ARSF: variants seen among roughly 807,000 people sequenced by gnomAD.
ARSF encodes arylsulfatase F.
Under a neutral mutation model 35.4 loss-of-function variants are expected in ARSF, and 33 were observed. The observed-to-expected ratio is 0.93, with a 90% CI of 0.71 to 1.25. The LOEUF (loss-of-function observed/expected upper bound fraction) is 1.25, where lower values mean the gene tolerates loss of function less well. Ranked by LOEUF, ARSF falls within the 50% of genes most tolerant of loss-of-function variation. The pLI is 0.00. For synonymous variants in ARSF, 222 were observed against 193.1 expected, an observed-to-expected ratio of 1.15 and a Z score of -1.24; for missense variants, 501 against 480.2, an observed-to-expected ratio of 1.04 and a Z score of -0.40.
At chrX:3,111,504 T>C (rs936268188) in intron 10 of ARSF, among the ~76,000 whole-genome samples, 2 of 110,872 alleles carry the variant, frequency 1.8e-5, no homozygotes, top group African/African-American at 6.6e-5. Context: ...ATATCCTCCT[T>C]CTAGCTATTT....
rs888217067 is a variant in ARSF at position 3,095,055 on chromosome X, G to A, written c.967+5423G>A. Among the ~76,000 whole-genome samples, 3 of 108,454 alleles carry A rather than the reference G, an allele frequency of 2.8e-5. No homozygotes were observed. In the Admixed American group the frequency reaches 3.0e-4, roughly 11 times the overall value. The allele number at this position is 108,454 out of a possible 115,157, so 94.2% of individuals were successfully genotyped here. ...CCCTGCTACTTTGGAGGCTGATGTG[G>A]CAGGATCATTTAAGCCCAGGAGTTT... On this transcript the variant is annotated intron_variant, in intron 7 of 10. Transcript: ENST00000381127.
At chrX:3,088,363 C>T (rs775099896) in intron 6 of ARSF, among the ~76,000 whole-genome samples, 1 of 111,305 alleles carries the variant, frequency 9.0e-6, no homozygotes, top group African/African-American at 3.3e-5. Flanking sequence ...ATGGGAGGTC[C>T]GTGTTGGCTT....
intron 1 of ARSF, among the ~76,000 whole-genome samples, chrX:3,059,891 C>T (rs1341693886): frequency 2.7e-5 from 3 of 112,739 alleles, no homozygotes; most frequent in African/African-American, 9.7e-5. Context: ...GCAGAAACTT[C>T]TGCAGACTTA....
At chrX:3,050,797 G>A (rs371358545) in intron 1 of ARSF, among the ~76,000 whole-genome samples, 1 of 110,827 alleles carries the variant, frequency 9.0e-6, no homozygotes, top group East Asian at 2.8e-4. Context: ...ACTGGAGTTG[G>A]ACGCATGCTC....
intron 4 of ARSF, among the ~76,000 whole-genome samples, chrX:3,080,449 G>GC (rs1205303772): frequency 1.0e-5 from 1 of 100,164 alleles, no homozygotes; most frequent in Non-Finnish European, 2.0e-5. Flanking sequence ...ACTCCAGCCT[G>GC]GTGACAAAGC....
intron 7 of ARSF, among the ~76,000 whole-genome samples, chrX:3,091,427 C>T (rs1028942821): frequency 8.9e-6 from 1 of 112,222 alleles, no homozygotes; most frequent in Non-Finnish European, 1.9e-5. Flanking sequence ...TATTGATTAG[C>T]AAAATGGCTT....
intron 1 of ARSF, among the ~76,000 whole-genome samples, chrX:3,043,942 C>T (rs1159884555): frequency 2.7e-5 from 3 of 110,680 alleles, no homozygotes; most frequent in South Asian, 3.9e-4. Context: ...CATACTATCT[C>T]GCCCAGCTAA....
chrX:3,098,711 G>T (rs2090355745), intron 7 of ARSF, among the ~76,000 whole-genome samples: 2 of 111,101 alleles, frequency 1.8e-5, no homozygotes, highest in Non-Finnish European at 3.8e-5. Flanking sequence ...CCCGTCTCAG[G>T]TATGTCTTTA....
At position 3,112,165 on chromosome X, in the gene ARSF, C is replaced by T; in HGVS notation, c.1391-9C>T. On this transcript the variant is annotated splice_polypyrimidine_tract_variant and intron_variant, in intron 10 of 10. Transcript: ENST00000381127. ...GCATCATTTGACGAGTCTCTCTTTT[C>T]TCCTCCAGGTGGGTCAGTTTGGAAG... is the stretch of plus-strand genomic sequence containing the variant. 1 of 1,190,199 alleles carries T rather than the reference C, an allele frequency of 8.4e-7. No homozygotes were observed. Among genetic ancestry groups the T allele is most frequent in the Non-Finnish European group, 1.1e-6 (1 of 883,440 alleles).
intron 1 of ARSF, among the ~76,000 whole-genome samples, chrX:3,052,690 CAAAA>C (rs60919775): frequency 9.5e-5 from 7 of 73,707 alleles, no homozygotes; most frequent in Non-Finnish European, 7.9e-5. Context: ...GACCCTGTCT[CAAAA>C]AAAAAAAAAA....
intron 5 of ARSF, 53 bp from the exon 6 acceptor site, chrX:3,084,190 C>G (rs1386416140): frequency 6.9e-6 from 8 of 1,158,764 alleles, no homozygotes; most frequent in Non-Finnish European, 9.4e-6. Context: ...TTGCAATGTG[C>G]TGGCATATGT....
intron 7 of ARSF, among the ~76,000 whole-genome samples, chrX:3,091,906 A>G (rs142158739): frequency 0.013 from 1,427 of 110,398 alleles, 12 homozygotes; most frequent in Non-Finnish European, 0.022. Flanking sequence ...CGATAGAAAG[A>G]TAGATGATTG....
chrX:3,076,961 G>T (rs1026037799), intron 4 of ARSF, among the ~76,000 whole-genome samples: 2 of 111,231 alleles, frequency 1.8e-5, no homozygotes, highest in Non-Finnish European at 3.8e-5. Context: ...TGGGAGGATC[G>T]CCTGAGCCCG....
At chrX:3,103,075 C>G (rs1384270746) in intron 8 of ARSF, among the ~76,000 whole-genome samples, 3 of 111,351 alleles carry the variant, frequency 2.7e-5, no homozygotes, top group African/African-American at 6.5e-5. Context: ...ATTAAGACAA[C>G]TTTCTGCTTT....
At chrX:3,058,497 G>T in intron 1 of ARSF, 1 of 274,279 alleles carries the variant, frequency 3.6e-6, no homozygotes, top group Non-Finnish European at 7.1e-6. Flanking sequence ...GGGACCACAG[G>T]CAGGCTACTT....
intron 4 of ARSF, among the ~76,000 whole-genome samples, chrX:3,077,746 A>G (rs1021696328): frequency 9.1e-6 from 1 of 109,668 alleles, no homozygotes; most frequent in Non-Finnish European, 1.9e-5. Flanking sequence ...CCATGGAGAC[A>G]GTAGTATTAT....
At position 3,112,419 on chromosome X, in the gene ARSF, G is replaced by A. The variant is rs2090453163; in HGVS notation, c.1636G>A (p.Val546Met). The change falls in exon 11 of 11, where the codon GTG becomes ATG. Residue 546 changes from valine (V) to methionine (M), a missense_variant. By Grantham distance (21) the Val-to-Met change is conservative. Coordinates refer to ENST00000381127, the MANE Select transcript of ARSF (RefSeq NM_001201539.2). ...CCTGAAGGAACACCAGGAAACCATC[G>A]TGCCTGTGACCTACCAACTCTCAGA... ...NALKEHQETIVPVTYQLSELN... is the reference protein window; with the variant it reads ...NALKEHQETIMPVTYQLSELN... The A allele has an allele frequency of 1.7e-6, 2 of 1,209,413 alleles. No homozygotes were observed. The highest frequency in any genetic ancestry group is 1.8e-5 in the African/African-American group (1 of 56,985).
intron 7 of ARSF, among the ~76,000 whole-genome samples, chrX:3,099,621 C>G (rs1020426745): frequency 9.0e-5 from 10 of 111,556 alleles, no homozygotes; most frequent in African/African-American, 2.9e-4. Context: ...TTCTTCATCT[C>G]TTGATTAAAT....
At chrX:3,083,500 A>G (rs180699804) in intron 5 of ARSF, among the ~76,000 whole-genome samples, 2 of 53,653 alleles carry the variant, frequency 3.7e-5, no homozygotes, top group Non-Finnish European at 6.6e-5. Flanking sequence ...CTATCTATCT[A>G]TCTATCTATC....
Sources: gnomAD v4.1 joint callset for allele counts (sites outside exome capture counted in the v4.1 genomes callset) on GRCh38, gnomAD v4.1.1 for gene constraint, MANE v1.5 for transcripts, NCBI Gene and HGNC (gene_info 2026-07-23, HGNC 2026-07-21) for gene names.